The following RIMS2 variants were observed in gnomAD, a reference collection of about 807,000 sequenced individuals.
RIMS2 encodes the protein regulating synaptic membrane exocytosis protein 2.
RIMS2 carries 59 observed loss-of-function variants against 174.4 expected under a neutral mutation model. The observed-to-expected ratio is 0.34, with a 90% CI of 0.27 to 0.42. The LOEUF (loss-of-function observed/expected upper bound fraction) is 0.42. RIMS2 is among the 10% of genes least tolerant of loss of function. The pLI, the probability that RIMS2 is intolerant of heterozygous loss-of-function variation, is 1.00. For missense variants in RIMS2, 1,620 were observed against 1,666.3 expected, an observed-to-expected ratio of 0.97 and a Z score of 0.48; for synonymous variants, 606 against 572.5, an observed-to-expected ratio of 1.06 and a Z score of -0.84.
chr8:104,152,191 T>C (rs1156513514), intron 19 of RIMS2, among the ~76,000 whole-genome samples: 4 of 152,236 alleles, frequency 2.6e-5, no homozygotes, highest in African/African-American at 9.6e-5. Flanking sequence ...AGAAATGTAG[T>C]CTTGTTTCTT....
chr8:103,990,917 A>G (rs887691521), intron 17 of RIMS2, among the ~76,000 whole-genome samples: 6 of 152,128 alleles, frequency 3.9e-5, no homozygotes, highest in African/African-American at 1.4e-4. Flanking sequence ...ATAAATAAAA[A>G]TGATTGCTAT....
intron 14 of RIMS2, among the ~76,000 whole-genome samples, chr8:103,950,266 C>G (rs1033263670): frequency 6.6e-6 from 1 of 152,182 alleles, no homozygotes; most frequent in Admixed American, 6.5e-5. Context: ...CCATCCAGCT[C>G]ATTTTATGAA....
intron 1 of RIMS2, chr8:103,652,625 TG>T: frequency 7.4e-7 from 1 of 1,343,856 alleles, no homozygotes; most frequent in Non-Finnish European, 9.8e-7. Flanking sequence ...TTTAAACAGG[TG>T]GTTTCCCTTT....
At chr8:104,165,282 T>A (rs1319741895) in intron 19 of RIMS2, among the ~76,000 whole-genome samples, 1 of 152,310 alleles carries the variant, frequency 6.6e-6, no homozygotes. Context: ...TGAATTAGCC[T>A]TCTTATTCTG....
At chr8:103,980,179 C>G (rs1310816688) in intron 16 of RIMS2, among the ~76,000 whole-genome samples, 2 of 152,136 alleles carry the variant, frequency 1.3e-5, no homozygotes, top group Non-Finnish European at 2.9e-5. Context: ...TGTCTCTTTC[C>G]TTCTCTTTAA....
chr8:103,923,836 C>A (rs1344845653), intron 10 of RIMS2, among the ~76,000 whole-genome samples: 1 of 151,612 alleles, frequency 6.6e-6, no homozygotes, highest in Non-Finnish European at 1.5e-5. Flanking sequence ...CATAAAATCA[C>A]CTATAATCCT....
At chr8:103,858,615 G>GTGTA (rs2099040892) in intron 3 of RIMS2, among the ~76,000 whole-genome samples, 2 of 149,288 alleles carry the variant, frequency 1.3e-5, no homozygotes, top group South Asian at 4.2e-4. Context: ...GTGTGTGTGT[G>GTGTA]TATATATATA....
At chr8:103,737,596 A>G (rs1207580597) in intron 2 of RIMS2, among the ~76,000 whole-genome samples, 2 of 152,078 alleles carry the variant, frequency 1.3e-5, no homozygotes, top group African/African-American at 4.8e-5. Flanking sequence ...TCATTCTTAC[A>G]TGCTTACTCA....
At chr8:103,847,962 C>G (rs1043159837) in intron 3 of RIMS2, among the ~76,000 whole-genome samples, 1 of 151,780 alleles carries the variant, frequency 6.6e-6, no homozygotes, top group African/African-American at 2.4e-5. Context: ...TTTAATACCT[C>G]TTGTGTAGAT....
At chr8:103,906,260 G>A (rs2074385113) in intron 4 of RIMS2, among the ~76,000 whole-genome samples, 1 of 151,878 alleles carries the variant, frequency 6.6e-6, no homozygotes, top group African/African-American at 2.4e-5. Context: ...TTTGTTTTTG[G>A]AGATGAAGTC....
chr8:103,834,718 TTCTTTCTTTCTTTCTTTCTTTCTTTC>T (rs1234923642), intron 3 of RIMS2, among the ~76,000 whole-genome samples: 5 of 127,666 alleles, frequency 3.9e-5, no homozygotes, highest in African/African-American at 1.8e-4. Context: ...CTTTCTTTCT[TTCTTTCTTTCTTTCTTTCTTTCTTTC>T]TCTCTCTTTC....
intron 1 of RIMS2, among the ~76,000 whole-genome samples, chr8:103,523,116 G>T (rs1186086685): frequency 6.6e-6 from 1 of 151,908 alleles, no homozygotes; most frequent in African/African-American, 2.4e-5. Flanking sequence ...GCATGTGTGT[G>T]TGCATGTGTG....
chr8:103,895,128 A>T (rs2099269952), intron 4 of RIMS2, among the ~76,000 whole-genome samples: 1 of 149,322 alleles, frequency 6.7e-6, no homozygotes, highest in Non-Finnish European at 1.5e-5. Context: ...AAATAAAATT[A>T]TGTGTACTTA....
chr8:103,830,799 G>C (rs1019056720), intron 3 of RIMS2, among the ~76,000 whole-genome samples: 2 of 152,096 alleles, frequency 1.3e-5, no homozygotes, highest in Admixed American at 6.5e-5. Context: ...ATATCTACAC[G>C]TTTGTGATAT....
At chr8:103,961,803 A>C (rs2154545640) in intron 15 of RIMS2, among the ~76,000 whole-genome samples, 1 of 152,272 alleles carries the variant, frequency 6.6e-6, no homozygotes, top group East Asian at 1.9e-4. Flanking sequence ...AATGTATGCA[A>C]GGCATGCCAC....
chr8:103,589,228 T>C (rs951436826), intron 1 of RIMS2, among the ~76,000 whole-genome samples: 1 of 151,544 alleles, frequency 6.6e-6, no homozygotes, highest in Admixed American at 6.6e-5. Context: ...CTCAAATAAC[T>C]GTAGGAAAAA....
intron 1 of RIMS2, among the ~76,000 whole-genome samples, chr8:103,574,880 C>T (rs997917091): frequency 5.3e-5 from 8 of 152,056 alleles, no homozygotes; most frequent in African/African-American, 1.9e-4. Context: ...TATTTCTAGC[C>T]CTTGTTGTGA....
At chr8:104,144,981 C>G (rs1012995091) in intron 19 of RIMS2, among the ~76,000 whole-genome samples, 1 of 152,128 alleles carries the variant, frequency 6.6e-6, no homozygotes, top group Non-Finnish European at 1.5e-5. Flanking sequence ...TCCCCATCCC[C>G]CACCATCAAG....
intron 2 of RIMS2, 40 bp from the exon 5 acceptor site, chr8:103,716,269 T>C (rs1314089059): frequency 6.6e-6 from 1 of 152,076 alleles, no homozygotes; most frequent in East Asian, 1.9e-4. Context: ...TTTTGTCTTT[T>C]CTGTCTTTTC....
Sources: gnomAD v4.1 joint callset for allele counts (sites outside exome capture counted in the v4.1 genomes callset) on GRCh38, gnomAD v4.1.1 for gene constraint, MANE v1.5 for transcripts, NCBI Gene and HGNC (gene_info 2026-07-23, HGNC 2026-07-21) for gene names.